The following SIRPA variants were observed in gnomAD, a reference collection of about 807,000 sequenced individuals.
SIRPA encodes signal regulatory protein alpha.
In SIRPA, 9 loss-of-function variants were observed where a neutral mutation model predicts 50.3. The ratio of observed to expected loss-of-function variants is 0.18; its 90% CI spans 0.11 to 0.31. SIRPA has a LOEUF of 0.31. SIRPA is among the 10% of genes least tolerant of loss of function. The pLI is 1.00. For missense variants in SIRPA, 474 were observed against 661.6 expected, an observed-to-expected ratio of 0.72 and a Z score of 3.11; for synonymous variants, 265 against 284.1, an observed-to-expected ratio of 0.93 and a Z score of 0.68.
intron 2 of SIRPA, among the ~76,000 whole-genome samples, chr20:1,919,771 A>C (rs1442358684): frequency 6.6e-6 from 1 of 152,124 alleles, no homozygotes; most frequent in Non-Finnish European, 1.5e-5. Flanking sequence ...TTTGAAAGCC[A>C]ATTCGCCAAA....
intron 2 of SIRPA, among the ~76,000 whole-genome samples, chr20:1,919,433 T>C (rs1446664619): frequency 6.6e-6 from 1 of 152,084 alleles, no homozygotes; most frequent in Non-Finnish European, 1.5e-5. Flanking sequence ...TGTGGATGCT[T>C]CTGAACAACG....
chr20:1,904,003 T>A (rs968735577), intron 1 of SIRPA, among the ~76,000 whole-genome samples: 2 of 152,150 alleles, frequency 1.3e-5, no homozygotes, highest in African/African-American at 2.4e-5. Flanking sequence ...GTAGGTGGGT[T>A]AATAGATACT....
chr20:1,918,826 C>T (rs1026482964), intron 2 of SIRPA, among the ~76,000 whole-genome samples: 6 of 152,048 alleles, frequency 3.9e-5, no homozygotes, highest in Non-Finnish European at 8.8e-5. Context: ...TGGCGGTGTT[C>T]GGGTTATCAC....
At position 1,898,252 on chromosome 20, in the gene SIRPA, G is replaced by A. The variant is rs532325137; in HGVS notation, c.79+2726G>A. Among the ~76,000 whole-genome samples, 8 of 152,314 alleles carry A rather than the reference G, an allele frequency of 5.3e-5. No homozygotes were observed. The highest frequency in any genetic ancestry group is 2.1e-4 in the South Asian group (1 of 4,828). ...TAAAGTTAATCTCACTTCCTCTTTC[G>A]TAAGAAGAGAAAACGGGGCGGGAGT... is the stretch of plus-strand genomic sequence containing the variant. On this transcript the variant is annotated intron_variant, in intron 1 of 7. Transcript: ENST00000358771. This position sits in a 1 kb window ranked among gnomAD's most constrained non-coding sequence, Gnocchi z 4.3.
chr20:1,938,423 G>A lies in SIRPA; in HGVS notation c.*855G>A, dbSNP rs1315640381. 1 of 149,324 alleles carries A rather than the reference G, an allele frequency of 6.7e-6. No individual in the cohort carries two copies. Among genetic ancestry groups the A allele is most frequent in the African/African-American group, 2.6e-5 (1 of 38,260 alleles). The allele number at this position is 149,324 out of a possible 1,614,324, so 9.2% of individuals were successfully genotyped here. ...GGTGTTAGAAAACTTGATCTGTGGT[G>A]TTTTGTTTTGTTTTTTTTCTTAAAA... On this transcript the variant is annotated 3_prime_UTR_variant, in exon 8 of 8. Coordinates refer to ENST00000358771, the MANE Select transcript of SIRPA (RefSeq NM_001040023.2).
Position 1,912,009 on chromosome 20 carries a change from T to G in SIRPA, c.80-3090T>G, listed in dbSNP as rs201624961. On this transcript the variant is annotated intron_variant, in intron 1 of 7. Transcript: ENST00000358771. ...TACACATACACAGATTAAAATAATA[T>G]TTGGCACTTACGTCGCACTTTTAAA... Among the ~76,000 whole-genome samples, 22 of 151,980 alleles carry G rather than the reference T, an allele frequency of 1.4e-4. No homozygotes were observed. In the East Asian group the frequency reaches 4.3e-3, roughly 29 times the overall value.
At chr20:1,908,301 C>T (rs1348901317) in intron 1 of SIRPA, among the ~76,000 whole-genome samples, 3 of 151,934 alleles carry the variant, frequency 2.0e-5, no homozygotes, top group Non-Finnish European at 4.4e-5. Context: ...AATGCACACA[C>T]CCTCATAGTC....
chr20:1,919,284 A>G (rs1985500846), intron 2 of SIRPA, among the ~76,000 whole-genome samples: 2 of 152,244 alleles, frequency 1.3e-5, no homozygotes, highest in Non-Finnish European at 2.9e-5. Flanking sequence ...CTAGGCATCT[A>G]AAGTTTTTAA....
intron 5 of SIRPA, among the ~76,000 whole-genome samples, chr20:1,926,371 T>C (rs1985981716): frequency 6.6e-6 from 1 of 152,240 alleles, no homozygotes; most frequent in African/African-American, 2.4e-5. Context: ...TAGCAGCCGA[T>C]AGTGAAATCC....
At chr20:1,910,649 C>T (rs926098055) in intron 1 of SIRPA, among the ~76,000 whole-genome samples, 1 of 152,138 alleles carries the variant, frequency 6.6e-6, no homozygotes, top group African/African-American at 2.4e-5. Flanking sequence ...TTAAACAGTA[C>T]ACATACGGTA....
chr20:1,935,522 C>T (rs1418673985), intron 7 of SIRPA, among the ~76,000 whole-genome samples: 1 of 152,254 alleles, frequency 6.6e-6, no homozygotes, highest in Non-Finnish European at 1.5e-5. Context: ...ACCAAAATGC[C>T]TTGGCCCTGC....
chr20:1,936,957 C>G lies in SIRPA; in HGVS notation c.1267-363C>G, dbSNP rs1224090433. Among the ~76,000 whole-genome samples, 1 of 152,016 alleles carries G rather than the reference C, an allele frequency of 6.6e-6. No individual in the cohort carries two copies. Among genetic ancestry groups the G allele is most frequent in the South Asian group, 2.1e-4 (1 of 4,820 alleles). ...TTACATGGTGGATTGGGATTTGTTA[C>G]AAGGAGAAGCAGGACAGACACCCTC... On this transcript the variant is annotated intron_variant, in intron 7 of 7. Coordinates refer to ENST00000358771, the MANE Select transcript of SIRPA (RefSeq NM_001040023.2). The surrounding 1 kb of genome is among the most constrained non-coding windows in gnomAD (Gnocchi z 4.2).
At position 1,937,508 on chromosome 20, in the gene SIRPA, G is replaced by A. The variant is rs144208066; in HGVS notation, c.1455G>A (p.Pro485=). The A allele has an allele frequency of 1.2e-4, 193 of 1,614,096 alleles. 1 individual carries two copies. The highest frequency in any genetic ancestry group is 1.0e-3 in the African/African-American group (77 of 75,012). The change falls in exon 8 of 8, where the codon CCG becomes CCA. Residue 485 remains proline, a synonymous_variant. Transcript: ENST00000358771. The surrounding 1 kb of genome is among the most constrained non-coding windows in gnomAD (Gnocchi z 8.3). Reference sequence around the variant, plus strand: ...ACCTCAACCGGACCCCCAAGCAGCCGGCCCCCAAGCCTGAGCCGTCCTTCT... The same window carrying A: ...ACCTCAACCGGACCCCCAAGCAGCCAGCCCCCAAGCCTGAGCCGTCCTTCT... ...MVHLNRTPKQ[P]APKPEPSFSE... is the part of the protein sequence containing the mutation.
intron 4 of SIRPA, among the ~76,000 whole-genome samples, chr20:1,923,477 A>C (rs915557296): frequency 6.6e-6 from 1 of 152,252 alleles, no homozygotes; most frequent in African/African-American, 2.4e-5. Flanking sequence ...GGCTGTGTCA[A>C]AGTGGCCCTT....
intron 6 of SIRPA, among the ~76,000 whole-genome samples, chr20:1,929,114 A>T (rs1229192719): frequency 6.6e-6 from 1 of 152,136 alleles, no homozygotes; most frequent in Non-Finnish European, 1.5e-5. Flanking sequence ...ATAGGACATG[A>T]TGATCTGGAG....
intron 1 of SIRPA, among the ~76,000 whole-genome samples, chr20:1,906,356 T>A (rs1473835044): frequency 6.6e-6 from 1 of 152,184 alleles, no homozygotes; most frequent in Non-Finnish European, 1.5e-5. Flanking sequence ...TGAGCGCTTT[T>A]AAAAAATTAA....
At chr20:1,907,970 C>A (rs1415163884) in intron 1 of SIRPA, among the ~76,000 whole-genome samples, 1 of 152,210 alleles carries the variant, frequency 6.6e-6, no homozygotes, top group African/African-American at 2.4e-5. Context: ...TGGGCTCCAG[C>A]AGATGGTTCT....
Position 1,934,393 on chromosome 20 carries a change from C to T in SIRPA, c.1227-322C>T, listed in dbSNP as rs1197690336. ...CCAGCTGCTTCCCAAAAGGATTGTA[C>T]TGGTTTGCCTCTCCCACCAGTGACG... is the stretch of plus-strand genomic sequence containing the variant. On this transcript the variant is annotated intron_variant, in intron 6 of 7. Transcript: ENST00000358771. The surrounding 1 kb of genome is among the most constrained non-coding windows in gnomAD (Gnocchi z 4.6). Among the ~76,000 whole-genome samples the T allele has an allele frequency of 1.3e-5, 2 of 152,214 alleles. No homozygotes were observed. The highest frequency in any genetic ancestry group is 2.9e-5 in the Non-Finnish European group (2 of 68,032).
chr20:1,902,957 A>G (rs1984312076), intron 1 of SIRPA, among the ~76,000 whole-genome samples: 1 of 145,986 alleles, frequency 6.8e-6, no homozygotes, highest in African/African-American at 2.6e-5. Flanking sequence ...GGTTGCAGTG[A>G]GCCGAGATTG....
Sources: gnomAD v4.1 joint callset for allele counts (sites outside exome capture counted in the v4.1 genomes callset) on GRCh38, gnomAD v4.1.1 for gene constraint, Gnocchi (gnomAD v3.1) non-coding constraint, MANE v1.5 for transcripts, NCBI Gene and HGNC (gene_info 2026-07-23, HGNC 2026-07-21) for gene names.